CNTLN: variants seen among roughly 807,000 people sequenced by gnomAD.
CNTLN encodes the protein centlein, centrosomal protein.
A neutral mutation model predicts 180.0 loss-of-function variants in CNTLN; 212 were observed. That is an observed-to-expected ratio of 1.18 (90% CI 1.05 to 1.32). The LOEUF is 1.32. Among genes scored for constraint, CNTLN ranks in the 40% most tolerant of loss-of-function variants. CNTLN has a pLI of 0.00. For missense variants in CNTLN, 2,095 were observed against 1,610.9 expected, an observed-to-expected ratio of 1.30 and a Z score of -5.14; for synonymous variants, 722 against 563.1, an observed-to-expected ratio of 1.28 and a Z score of -3.99.
intron 16 of CNTLN, 77 bp downstream of exon 16, chr9:17,409,550 T>TA: frequency 9.6e-7 from 1 of 1,046,920 alleles, no homozygotes; most frequent in Non-Finnish European, 1.4e-6. Flanking sequence ...AGTAAATAAA[T>TA]GTTACTACTG....
intron 2 of CNTLN, among the ~76,000 whole-genome samples, chr9:17,218,976 A>T (rs185544543): frequency 6.6e-6 from 1 of 152,198 alleles, no homozygotes; most frequent in Non-Finnish European, 1.5e-5. Context: ...TTGAGCTTAG[A>T]AAAATGACTG....
intron 13 of CNTLN, among the ~76,000 whole-genome samples, chr9:17,372,429 G>C (rs1392875871): frequency 6.6e-6 from 1 of 152,040 alleles, no homozygotes; most frequent in Non-Finnish European, 1.5e-5. Context: ...GAACCATGAA[G>C]AAATCCAGAG....
chr9:17,474,171 C>T (rs977695180), intron 23 of CNTLN, among the ~76,000 whole-genome samples: 1 of 152,148 alleles, frequency 6.6e-6, no homozygotes, highest in Non-Finnish European at 1.5e-5. Flanking sequence ...TGTTCTCATC[C>T]TGTCTTTGAA....
intron 2 of CNTLN, among the ~76,000 whole-genome samples, chr9:17,200,268 G>C (rs951504841): frequency 6.6e-6 from 1 of 152,154 alleles, no homozygotes; most frequent in Non-Finnish European, 1.5e-5. Flanking sequence ...AAGTCAGGTA[G>C]CTTGGGGCCT....
At chr9:17,504,936 A>G (rs1336867273), downstream of CNTLN, among the ~76,000 whole-genome samples, 2 of 152,142 alleles carry the variant, frequency 1.3e-5, no homozygotes, top group Non-Finnish European at 2.9e-5. Flanking sequence ...GTACTTTGTG[A>G]CTGCAACAAT....
intron 15 of CNTLN, among the ~76,000 whole-genome samples, chr9:17,405,891 C>T (rs1289949814): frequency 1.3e-5 from 2 of 151,634 alleles, no homozygotes; most frequent in African/African-American, 4.9e-5. Flanking sequence ...TGGGTTCAAG[C>T]GATTCTCCAG....
At chr9:17,398,807 A>G (rs1273198428) in intron 15 of CNTLN, among the ~76,000 whole-genome samples, 1 of 152,190 alleles carries the variant, frequency 6.6e-6, no homozygotes, top group Non-Finnish European at 1.5e-5. Flanking sequence ...AAAATAAGCA[A>G]TTTTGGCATA....
At chr9:17,214,905 A>G (rs1371498853) in intron 2 of CNTLN, among the ~76,000 whole-genome samples, 1 of 152,210 alleles carries the variant, frequency 6.6e-6, no homozygotes, top group Non-Finnish European at 1.5e-5. Flanking sequence ...CAGCTCCATC[A>G]GGTCATTTAA....
intron 8 of CNTLN, among the ~76,000 whole-genome samples, chr9:17,312,363 A>ATTTT (rs375483820): frequency 2.0e-4 from 3 of 15,144 alleles, no homozygotes; most frequent in African/African-American, 3.6e-4. Context: ...ATATATATAT[A>ATTTT]TTATATATAT....
intron 23 of CNTLN, among the ~76,000 whole-genome samples, chr9:17,468,737 C>T (rs1341794952): frequency 6.6e-6 from 1 of 151,528 alleles, no homozygotes; most frequent in Non-Finnish European, 1.5e-5. Context: ...GGGTATATTT[C>T]TCCATACAAA....
chr9:17,395,677 C>G (rs1040990866), intron 15 of CNTLN, among the ~76,000 whole-genome samples: 3 of 152,130 alleles, frequency 2.0e-5, no homozygotes, highest in Admixed American at 2.0e-4. Context: ...AAAGTTATAG[C>G]TCTAAAGATT....
At chr9:17,481,756 C>T (rs1387300000) in intron 23 of CNTLN, among the ~76,000 whole-genome samples, 2 of 152,216 alleles carry the variant, frequency 1.3e-5, no homozygotes, top group Non-Finnish European at 2.9e-5. Flanking sequence ...TCCTGCCCAA[C>T]AGGAAGCAAT....
At chr9:17,267,157 GT>G (rs1329520210) in intron 5 of CNTLN, among the ~76,000 whole-genome samples, 1 of 152,048 alleles carries the variant, frequency 6.6e-6, no homozygotes, top group Non-Finnish European at 1.5e-5. Flanking sequence ...ATTTTGGCAT[GT>G]TTTTGCAGTG....
In CNTLN at chr9:17,294,091, G is replaced by A. The variant is rs556852775; in HGVS notation, c.984-4099G>A. Among the ~76,000 whole-genome samples the A allele has an allele frequency of 2.0e-5, 3 of 152,252 alleles. No homozygotes were observed. The East Asian group carries it at 5.8e-4, about 29-fold the overall frequency. On this transcript the variant is annotated intron_variant, in intron 6 of 25. Coordinates refer to ENST00000380647, the MANE Select transcript of CNTLN (RefSeq NM_017738.4). Reference sequence around the variant, plus strand: ...GTGTTTAGAGTTTCTTCCTTCTGGTGGATTCGTGGTCTCGCTGGCTTCAGG... The same window carrying A: ...GTGTTTAGAGTTTCTTCCTTCTGGTAGATTCGTGGTCTCGCTGGCTTCAGG...
At chr9:17,373,502 C>T (rs965438530) in intron 13 of CNTLN, among the ~76,000 whole-genome samples, 1 of 151,982 alleles carries the variant, frequency 6.6e-6, no homozygotes, top group African/African-American at 2.4e-5. Context: ...AAAGACATCC[C>T]CTTTTAATGG....
chr9:17,209,058 T>A (rs1439156893), intron 2 of CNTLN, among the ~76,000 whole-genome samples: 2 of 152,138 alleles, frequency 1.3e-5, no homozygotes, highest in African/African-American at 4.8e-5. Flanking sequence ...TCCTACTTTT[T>A]TGATGTAGGC....
intron 15 of CNTLN, among the ~76,000 whole-genome samples, chr9:17,408,369 A>G (rs538339092): frequency 1.6e-4 from 25 of 152,142 alleles, no homozygotes; most frequent in African/African-American, 5.8e-4. Flanking sequence ...TCTTTAACAC[A>G]TCACTATTGA....
chr9:17,481,094 C>T (rs764982556), intron 23 of CNTLN, among the ~76,000 whole-genome samples: 2 of 152,090 alleles, frequency 1.3e-5, no homozygotes, highest in Non-Finnish European at 2.9e-5. Context: ...AGGCAGGGAG[C>T]CGCACCACAG....
At chr9:17,178,588 A>C (rs1463637203) in intron 2 of CNTLN, among the ~76,000 whole-genome samples, 1 of 152,070 alleles carries the variant, frequency 6.6e-6, no homozygotes, top group Non-Finnish European at 1.5e-5. Context: ...GAGGCAGCTA[A>C]GGCCCGGTGA....
Sources: allele counts gnomAD v4.1 joint callset (sites outside exome capture counted in the v4.1 genomes callset), GRCh38; gene constraint gnomAD v4.1.1; transcripts MANE v1.5; gene names NCBI Gene and HGNC (gene_info 2026-07-23, HGNC 2026-07-21).